SPG7: variants seen among roughly 807,000 people sequenced by gnomAD.
SPG7 encodes SPG7 matrix AAA peptidase subunit, paraplegin, also known as mitochondrial inner membrane m-AAA protease component paraplegin.
SPG7 carries 103 observed loss-of-function variants against 81.9 expected under a neutral mutation model. The observed-to-expected ratio is 1.26, with a 90% CI of 1.07 to 1.48. SPG7 has a LOEUF of 1.48. Among genes scored for constraint, SPG7 ranks in the 40% most tolerant of loss-of-function variants. SPG7 has a pLI of 0.00. For synonymous variants in SPG7, 534 were observed against 444.2 expected (o/e 1.20, Z -2.54); for missense variants, 1,241 against 1,087.3 (o/e 1.14, Z -1.99).
chr16:89,557,069 C>T lies in SPG7; in HGVS notation c.2364C>T (p.Gly788=), dbSNP rs745508850. The T allele has an allele frequency of 6.8e-6, 11 of 1,611,736 alleles. No individual in the cohort carries two copies. Among genetic ancestry groups the T allele is most frequent in the African/African-American group, 5.3e-5 (4 of 74,984 alleles). Residue 788 remains glycine (G), a synonymous_variant, in exon 17 of 17, where the codon GGC becomes GGT. Transcript: ENST00000645818. ...AGACCCAGCAGCCTCCACTTGGAGGCGAAGAGCCGACTTGGCCCAAGTAGT... is the reference window on the plus strand; with the variant it reads ...AGACCCAGCAGCCTCCACTTGGAGGTGAAGAGCCGACTTGGCCCAAGTAGT... The part of the protein sequence containing the change: ...TEETQQPPLG[G]EEPTWPK
At chr16:89,527,472 A>C (rs1267264468) in intron 5 of SPG7, 1 of 152,250 alleles carries the variant, frequency 6.6e-6, no homozygotes, top group African/African-American at 2.4e-5. Flanking sequence ...TTTCAAAAGT[A>C]AGCGATCACT....
chr16:89,537,704 A>G (rs925311753), intron 9 of SPG7: 3 of 984,852 alleles, frequency 3.0e-6, no homozygotes, highest in Non-Finnish European at 3.6e-6. Flanking sequence ...TGTGAAAAAT[A>G]AAGTCATCAG....
At chr16:89,511,667 C>T (rs570406529) in intron 2 of SPG7, among the ~76,000 whole-genome samples, 9 of 152,286 alleles carry the variant, frequency 5.9e-5, no homozygotes, top group Non-Finnish European at 1.0e-4. Flanking sequence ...CTGGTGAACC[C>T]GTTCATGTCT....
chr16:89,551,528 A>T (rs2058634251), intron 13 of SPG7: 1 of 152,300 alleles, frequency 6.6e-6, no homozygotes, highest in South Asian at 2.1e-4. Context: ...AGCTAGGCCC[A>T]CTGTGGGGCG....
rs746289118 is a variant in SPG7 at position 89,532,018 on chromosome 16, G to A, written c.1102G>A (p.Val368Met). The change falls in exon 8 of 17, where the codon GTG (valine) becomes ATG (methionine). Residue 368 changes from valine (V) to methionine (M), a missense_variant. Transcript: ENST00000645818. Reference protein sequence around the residue: ...LAKAVATEAQVPFLAMAGPEF... With the variant: ...LAKAVATEAQMPFLAMAGPEF... ...CAAGGCGGTGGCCACGGAGGCTCAG[G>A]TGCCCTTCCTGGCGATGGCCGGCCC... 6.2e-7 allele frequency: 1 copy of A among 1,613,778 alleles called. No homozygotes were observed. The highest frequency in any genetic ancestry group is 8.5e-7 in the Non-Finnish European group (1 of 1,179,990).
chr16:89,526,523 C>G, intron 5 of SPG7, 55 bp downstream of exon 5: 2 of 1,603,668 alleles, frequency 1.2e-6, no homozygotes, highest in East Asian at 2.2e-5. Flanking sequence ...GCTTTGTAAT[C>G]TGAGAAACAG....
chr16:89,510,078 G>A (rs1337054267), intron 1 of SPG7, among the ~76,000 whole-genome samples: 4 of 152,002 alleles, frequency 2.6e-5, no homozygotes, highest in African/African-American at 7.2e-5. Context: ...GGGTTCAAGC[G>A]ATTCTCCTGC....
chr16:89,554,549 G>A lies in SPG7; in HGVS notation c.2167G>A (p.Asp723Asn), dbSNP rs573903342. 1 of 1,609,316 alleles carries A rather than the reference G, an allele frequency of 6.2e-7. No individual in the cohort carries two copies. The highest frequency in any genetic ancestry group is 1.3e-5 in the African/African-American group (1 of 75,004). Residue 723 changes from aspartate (D) to asparagine (N), a missense_variant, in exon 16 of 17, where the codon GAC (aspartate) becomes AAC (asparagine). Asp to Asn is a conservative substitution (Grantham distance 23). Transcript: ENST00000645818. ...HTEKVLQDNLDKLQALANALL... is the reference protein window; with the variant it reads ...HTEKVLQDNLNKLQALANALL... Reference sequence around the variant, plus strand: ...CGAGAAGGTGCTGCAGGACAACCTGGACAAGTTGCAGGCGGTGAGGCCCTG... The same window carrying A: ...CGAGAAGGTGCTGCAGGACAACCTGAACAAGTTGCAGGCGGTGAGGCCCTG...
At chr16:89,539,593 GTCTTGC>G (rs1274438118) in intron 9 of SPG7, 3 of 152,110 alleles carry the variant, frequency 2.0e-5, no homozygotes, top group Non-Finnish European at 4.4e-5. Context: ...TTGAGACAGA[GTCTTGC>G]TCTGTCACCC....
Position 89,532,067 on chromosome 16 carries a change from G to A in SPG7, c.1150+1G>A. ...CCAGAGTTCGTGGAGGTCATTGGAGGTAGGTGCTGTGGTTGGGGGCTGTGG... is the reference window on the plus strand; with the variant it reads ...CCAGAGTTCGTGGAGGTCATTGGAGATAGGTGCTGTGGTTGGGGGCTGTGG... On this transcript the variant is annotated splice_donor_variant, in intron 8 of 16. Transcript: ENST00000645818. LOFTEE classifies it high-confidence loss of function. 6.2e-7 allele frequency: 1 copy of A among 1,611,980 alleles called. No individual in the cohort carries two copies. Among genetic ancestry groups the A allele is most frequent in the Non-Finnish European group, 8.5e-7 (1 of 1,179,932 alleles).
In SPG7 at chr16:89,557,148, C is replaced by T; in HGVS notation, c.*55C>T. On this transcript the variant is annotated 3_prime_UTR_variant, in exon 17 of 17. Transcript: ENST00000645818. ...GTCCGGGAAGTGAGGGCTCACTCAG[C>T]CACCCTGAGTTGCTTTTCAGCTGAG... 6 of 1,404,358 alleles carry T rather than the reference C, an allele frequency of 4.3e-6. No homozygotes were observed. Among genetic ancestry groups the T allele is most frequent in the Non-Finnish European group, 6.0e-6 (6 of 998,746 alleles). 87.0% of individuals were successfully genotyped at this position (1,404,358 alleles called of 1,614,324 possible).
At chr16:89,536,622 TGAGGGCGGGTGAGGCGGGC>T in intron 9 of SPG7, 1 of 795,838 alleles carries the variant, frequency 1.3e-6, no homozygotes, top group South Asian at 1.7e-5. Context: ...GTGAGGCGGG[TGAGGGCGGGTGAGGCGGGC>T]GAGGTGGGCG....
At position 89,555,462 on chromosome 16, in the gene SPG7, C is replaced by G. The variant is rs7199366; in HGVS notation, c.2181+899C>G. On this transcript the variant is annotated intron_variant, in intron 16 of 16. Transcript: ENST00000645818. ...CCCTGCCTCGCTCCCGTGGAGGCCC[C>G]CATGGGGCAGTCCTCCCACCTGAGG... 1,126 of 161,372 alleles carry G rather than the reference C, an allele frequency of 7.0e-3. 14 individuals are homozygous for G. The highest frequency in any genetic ancestry group is 0.026 in the African/African-American group (1,081 of 41,942). The allele number at this position is 161,372 out of a possible 1,614,324, so 10.0% of individuals were successfully genotyped here.
intron 15 of SPG7, among the ~76,000 whole-genome samples, 195 bp from the exon 16 acceptor site, chr16:89,554,287 TGTGG>T (rs2058665932): frequency 1.7e-5 from 2 of 119,222 alleles, no homozygotes; most frequent in South Asian, 6.1e-4. Flanking sequence ...TGTGGGTGGG[TGTGG>T]GTGGGTGGGC....
intron 9 of SPG7, chr16:89,537,152 C>T (rs1597643636): frequency 2.7e-6 from 4 of 1,457,882 alleles, no homozygotes; most frequent in Non-Finnish European, 3.6e-6. Context: ...GGCTTTGTTG[C>T]TTCCGTTCAT....
At chr16:89,529,317 G>A (rs1039798939) in intron 5 of SPG7, 160 bp from the exon 6 acceptor site, 6 of 673,364 alleles carry the variant, frequency 8.9e-6, no homozygotes, top group African/African-American at 7.1e-5. Flanking sequence ...TGAGACGAGA[G>A]AACCCATTTC....
At chr16:89,535,556 A>G (rs1283696824) in intron 9 of SPG7, among the ~76,000 whole-genome samples, 1 of 152,156 alleles carries the variant, frequency 6.6e-6, no homozygotes, top group Non-Finnish European at 1.5e-5. Context: ...TGCCTTCTGC[A>G]CACACAGCAA....
chr16:89,523,781 C>T (rs954447989), intron 3 of SPG7: 3 of 692,170 alleles, frequency 4.3e-6, no homozygotes, highest in African/African-American at 1.7e-5. Context: ...CACTCCTGCT[C>T]CTCACTGAAG....
chr16:89,540,710 T>C (rs995982230), intron 9 of SPG7: 10 of 186,244 alleles, frequency 5.4e-5, no homozygotes, highest in Admixed American at 1.3e-4. Context: ...GGAAACAGTT[T>C]GGCAGCTTCT....
Sources: allele counts gnomAD v4.1 joint callset (sites outside exome capture counted in the v4.1 genomes callset), GRCh38; gene constraint gnomAD v4.1.1; transcripts MANE v1.5; gene names NCBI Gene and HGNC (gene_info 2026-07-23, HGNC 2026-07-21).